The following ANO3 variants were observed in gnomAD, a reference collection of about 807,000 sequenced individuals.
The protein encoded by ANO3 is anoctamin-3.
A neutral mutation model predicts 144.8 loss-of-function variants in ANO3; 99 were observed. That is an observed-to-expected ratio of 0.68 (90% CI 0.58 to 0.81). The LOEUF (loss-of-function observed/expected upper bound fraction) is 0.81, where lower values mean the gene tolerates loss of function less well. Among genes scored for constraint, ANO3 ranks in the 30% least tolerant of loss-of-function variants. The pLI is 0.00. For missense variants in ANO3, 905 were observed against 1,202.2 expected, an observed-to-expected ratio of 0.75 and a Z score of 3.66; for synonymous variants, 414 against 392.6, an observed-to-expected ratio of 1.05 and a Z score of -0.64.
At chr11:26,260,704 TG>T (rs1853167776) in intron 1 of ANO3, among the ~76,000 whole-genome samples, 1 of 152,202 alleles carries the variant, frequency 6.6e-6, no homozygotes, top group Non-Finnish European at 1.5e-5. Flanking sequence ...ATGTCCCCAC[TG>T]CCAAGGAAGT....
At chr11:26,427,253 A>G (rs1857945541) in intron 1 of ANO3, 1 of 166,662 alleles carries the variant, frequency 6.0e-6, no homozygotes, top group South Asian at 1.6e-4. Context: ...CCAGGATCCT[A>G]GGAACACCCC....
At chr11:26,525,148 T>C (rs952794780) in intron 6 of ANO3, among the ~76,000 whole-genome samples, 2 of 152,154 alleles carry the variant, frequency 1.3e-5, no homozygotes, top group East Asian at 1.9e-4. Context: ...AGGAAGCTTC[T>C]TGAGGGCACA....
At chr11:26,360,085 A>C (rs891012478) in intron 1 of ANO3, among the ~76,000 whole-genome samples, 1 of 151,866 alleles carries the variant, frequency 6.6e-6, no homozygotes, top group Non-Finnish European at 1.5e-5. Context: ...TATGAATACA[A>C]AATCTTCTAG....
chr11:26,644,427 C>A (rs1267582610), intron 23 of ANO3, among the ~76,000 whole-genome samples: 1 of 152,114 alleles, frequency 6.6e-6, no homozygotes, highest in East Asian at 1.9e-4. Flanking sequence ...CTGAAGTGAT[C>A]ATATTCACAT....
At chr11:26,642,863 C>G (rs1344549605) in intron 22 of ANO3, among the ~76,000 whole-genome samples, 1 of 151,900 alleles carries the variant, frequency 6.6e-6, no homozygotes, top group Non-Finnish European at 1.5e-5. Flanking sequence ...CCTTCTCCTC[C>G]TCCTCTGTTT....
chr11:26,646,422 G>A (rs1853347931), intron 23 of ANO3, among the ~76,000 whole-genome samples: 1 of 152,042 alleles, frequency 6.6e-6, no homozygotes, highest in Non-Finnish European at 1.5e-5. Flanking sequence ...ATCCCAATAA[G>A]TAGGATTAAA....
chr11:26,450,373 T>C (rs1858883430), intron 3 of ANO3, among the ~76,000 whole-genome samples: 1 of 152,110 alleles, frequency 6.6e-6, no homozygotes, highest in African/African-American at 2.4e-5. Context: ...AGTACCCTCA[T>C]TGCTACTGGC....
chr11:26,212,439 T>C (rs1851953418), intron 1 of ANO3, among the ~76,000 whole-genome samples: 1 of 150,174 alleles, frequency 6.7e-6, no homozygotes, highest in South Asian at 2.1e-4. Flanking sequence ...ACAATAAAAA[T>C]GATAAAGGGG....
intron 7 of ANO3, 28 bp downstream of exon 7, chr11:26,525,707 TA>T: frequency 6.3e-7 from 1 of 1,585,230 alleles, no homozygotes; most frequent in Non-Finnish European, 8.6e-7. Flanking sequence ...CATTTCTTTA[TA>T]ACAAATTTGT....
chr11:26,217,980 G>T (rs1852067754), intron 1 of ANO3, among the ~76,000 whole-genome samples: 1 of 151,996 alleles, frequency 6.6e-6, no homozygotes, highest in African/African-American at 2.4e-5. Flanking sequence ...ATTGAACTGT[G>T]GGCCAGAGAA....
intron 1 of ANO3, among the ~76,000 whole-genome samples, chr11:26,412,116 T>C (rs1857448622): frequency 1.3e-5 from 2 of 152,020 alleles, no homozygotes; most frequent in African/African-American, 4.8e-5. Context: ...TATAGAGAAA[T>C]AAGAGAGTTT....
At chr11:26,567,143 G>C in intron 14 of ANO3, 1 of 1,397,056 alleles carries the variant, frequency 7.2e-7, no homozygotes, top group Non-Finnish European at 9.4e-7. Flanking sequence ...ACAGAAGCTG[G>C]AAAATGGAAG....
chr11:26,484,657 G>C (rs4923360), intron 4 of ANO3, among the ~76,000 whole-genome samples: 91,732 of 152,048 alleles, frequency 0.6, 28,275 homozygotes, highest in East Asian at 0.68. Context: ...GCTGTGAGAA[G>C]AGATCCACTG....
chr11:26,643,190 T>G lies in ANO3; in HGVS notation c.2284T>G (p.Phe762Val), dbSNP rs767778858. The change falls in exon 23 of 27, where the codon TTT becomes GTT. Residue 762 changes from phenylalanine to valine, a missense_variant. Transcript: ENST00000256737. ...MDEYLEMVLQ[F>V]GFTTIFVAAF... is the part of the protein sequence containing the mutation. ...ATGCTCTTCTTTTGCAGTTTTGCAA[T>G]TTGGTTTTACCACCATCTTTGTTGC... 1 of 1,613,820 alleles carries G rather than the reference T, an allele frequency of 6.2e-7. No homozygotes were observed. The highest frequency in any genetic ancestry group is 1.7e-5 in the Admixed American group (1 of 59,962).
intron 1 of ANO3, among the ~76,000 whole-genome samples, chr11:26,220,885 C>T (rs1852129069): frequency 6.6e-6 from 1 of 152,178 alleles, no homozygotes; most frequent in African/African-American, 2.4e-5. Flanking sequence ...AAAGGCATGA[C>T]AGTGTGCATT....
At chr11:26,426,811 G>T (rs576565308) in intron 1 of ANO3, among the ~76,000 whole-genome samples, 2 of 152,138 alleles carry the variant, frequency 1.3e-5, no homozygotes, top group East Asian at 3.8e-4. Flanking sequence ...CTGCAGCAAC[G>T]GTTGTGAAGA....
At position 26,463,071 on chromosome 11, in the gene ANO3, G is replaced by A. The variant is rs764319060; in HGVS notation, c.355G>A (p.Ala119Thr). ...GGATTACACGGATGAATCAGAACAC[G>A]CTACTTATGACCGATCTCGTCTCAT... The part of the protein sequence containing the change: ...DKDYTDESEH[A>T]TYDRSRLIND... The change falls in exon 4 of 27, where the codon GCT becomes ACT. Residue 119 changes from alanine (A) to threonine (T), a missense_variant. Ala to Thr is a moderately conservative substitution (Grantham distance 58). Transcript: ENST00000256737. The A allele has an allele frequency of 1.1e-5, 18 of 1,596,250 alleles. No individual in the cohort carries two copies. In the South Asian group the frequency reaches 1.6e-4, roughly 14 times the overall value.
chr11:26,640,728 G>A (rs1399932305), intron 21 of ANO3, among the ~76,000 whole-genome samples: 1 of 152,016 alleles, frequency 6.6e-6, no homozygotes, highest in East Asian at 1.9e-4. Context: ...GGGCACCATG[G>A]CACATCTTAC....
At chr11:26,599,524 G>GT (rs771407112) in intron 16 of ANO3, 26 bp from the exon 17 acceptor site, 10 of 1,595,664 alleles carry the variant, frequency 6.3e-6, no homozygotes, top group East Asian at 2.2e-5. Context: ...AAATATGGAT[G>GT]TTTTTTCTGG....
Sources: gnomAD v4.1 joint callset for allele counts (sites outside exome capture counted in the v4.1 genomes callset) on GRCh38, gnomAD v4.1.1 for gene constraint, MANE v1.5 for transcripts, NCBI Gene and HGNC (gene_info 2026-07-23, HGNC 2026-07-21) for gene names.